Variants in SMPDL3B observed in about 807,000 individuals in gnomAD.
The protein encoded by SMPDL3B is acid sphingomyelinase-like phosphodiesterase 3b.
SMPDL3B carries 31 observed loss-of-function variants against 37.9 expected under a neutral mutation model. The observed-to-expected ratio is 0.82, with a 90% CI of 0.61 to 1.10. The LOEUF is 1.10. Ranked by LOEUF, SMPDL3B falls within the 50% of genes least tolerant of loss-of-function variation. The pLI is 0.00. For synonymous variants in SMPDL3B, 235 were observed against 242.6 expected, an observed-to-expected ratio of 0.97 and a Z score of 0.29; for missense variants, 525 against 597.8, an observed-to-expected ratio of 0.88 and a Z score of 1.27.
In SMPDL3B at chr1:27,953,234, T is replaced by C. The variant is rs372400917; in HGVS notation, c.393T>C (p.Ala131=). Residue 131 remains alanine (A), a synonymous_variant, in exon 4 of 8, where the codon GCT becomes GCC. Coordinates refer to ENST00000373894, the MANE Select transcript of SMPDL3B (RefSeq NM_014474.4). ...TCCTAGATACTAAAGTCTATGCTGC[T>C]TTGGGAAATCATGATTTTCACCCCA... ...EVFPDTKVYA[A]LGNHDFHPKN... 8 of 1,613,532 alleles carry C rather than the reference T, an allele frequency of 5.0e-6. No homozygotes were observed. Among genetic ancestry groups the C allele is most frequent in the Admixed American group, 1.7e-5 (1 of 59,980 alleles).
In SMPDL3B at chr1:27,945,242, G is replaced by A. The variant is rs1197273524; in HGVS notation, c.72G>A (p.Trp24Ter). ...TTTTTTCCCCTGCAGGGAAGTTCTG[G>A]CACATCGCTGACCTGCACCTTGACC... ...GGARAEPGKF[W>*]HIADLHLDPD... is the part of the protein sequence containing the mutation. The change falls in exon 2 of 8, where the codon TGG (tryptophan) becomes TGA (stop). Residue 24 changes from tryptophan to a stop codon, truncating the protein, a stop_gained. Transcript: ENST00000373894. LOFTEE classifies it high-confidence loss of function. This position sits in a 1 kb window ranked among gnomAD's most constrained non-coding sequence, Gnocchi z 4.0. 6.2e-7 allele frequency: 1 copy of A among 1,614,096 alleles called. No homozygotes were observed. Among genetic ancestry groups the A allele is most frequent in the African/African-American group, 1.3e-5 (1 of 75,026 alleles).
intron 1 of SMPDL3B, among the ~76,000 whole-genome samples, chr1:27,944,586 C>A (rs188506342): frequency 6.6e-6 from 1 of 152,176 alleles, no homozygotes; most frequent in Non-Finnish European, 1.5e-5. Flanking sequence ...GAACTCCTGG[C>A]CTCAAAGAAT....
intron 1 of SMPDL3B, among the ~76,000 whole-genome samples, chr1:27,940,703 C>G (rs930110173): frequency 6.6e-6 from 1 of 152,124 alleles, no homozygotes; most frequent in African/African-American, 2.4e-5. Context: ...CTATAAAACT[C>G]AAGTTATAGA....
intron 1 of SMPDL3B, among the ~76,000 whole-genome samples, chr1:27,943,551 T>C (rs1190703989): frequency 6.6e-6 from 1 of 152,150 alleles, no homozygotes. Flanking sequence ...CCAGTGATGT[T>C]GACTTGTGGC....
Position 27,945,511 on chromosome 1 carries a change from GC to G in SMPDL3B, c.275+69del, listed in dbSNP as rs2090399727. ...CTGCTATGTGCTACATACCAGTCTG[GC>G]CCTTTGCCCACATTATCTCCCTTAA... On this transcript the variant is annotated intron_variant, in intron 2 of 7. Transcript: ENST00000373894. This position sits in a 1 kb window ranked among gnomAD's most constrained non-coding sequence, Gnocchi z 4.0. 3 of 1,279,868 alleles carry G rather than the reference GC, an allele frequency of 2.3e-6. No individual in the cohort carries two copies. The Admixed American group carries it at 5.5e-5, about 23-fold the overall frequency. The allele number at this position is 1,279,868 out of a possible 1,614,324, so 79.3% of individuals were successfully genotyped here.
intron 1 of SMPDL3B, among the ~76,000 whole-genome samples, chr1:27,935,774 A>G (rs549494932): frequency 3.3e-5 from 5 of 152,332 alleles, no homozygotes; most frequent in African/African-American, 1.2e-4. Context: ...ACGTCCAGAG[A>G]AGAGCTGTCA....
At chr1:27,950,581 G>A (rs549840222) in intron 3 of SMPDL3B, among the ~76,000 whole-genome samples, 45 of 152,096 alleles carry the variant, frequency 3.0e-4, no homozygotes, top group Non-Finnish European at 5.7e-4. Flanking sequence ...ACTCTCCTAA[G>A]TAGTTGGGAT....
chr1:27,943,849 T>C (rs932114200), intron 1 of SMPDL3B, among the ~76,000 whole-genome samples: 4 of 142,842 alleles, frequency 2.8e-5, no homozygotes, highest in African/African-American at 1.0e-4. Flanking sequence ...AAAATACAAA[T>C]ACAAAAAAAA....
At chr1:27,937,285 G>A (rs2090318064) in intron 1 of SMPDL3B, among the ~76,000 whole-genome samples, 1 of 152,190 alleles carries the variant, frequency 6.6e-6, no homozygotes, top group Non-Finnish European at 1.5e-5. Context: ...GCTTCTAACT[G>A]CAGAGAAGCA....
chr1:27,955,701 C>T lies in SMPDL3B; in HGVS notation c.708C>T (p.His236=), dbSNP rs752394375. 9.7e-5 allele frequency: 156 copies of T among 1,613,470 alleles called. No homozygotes were observed. Among genetic ancestry groups the T allele is most frequent in the Non-Finnish European group, 1.2e-4 (144 of 1,179,748 alleles). The change falls in exon 6 of 8, where the codon CAC becomes CAT. Residue 236 remains histidine, a synonymous_variant. Coordinates refer to ENST00000373894, the MANE Select transcript of SMPDL3B (RefSeq NM_014474.4). ...KAGDMVYIVG[H]VPPGFFEKTQ... is the part of the protein sequence containing the mutation. ...CCTTGTAGGTGTACATTGTCGGCCA[C>T]GTGCCCCCGGGGTTCTTTGAGAAGA...
chr1:27,938,617 C>G (rs1262637512), intron 1 of SMPDL3B, among the ~76,000 whole-genome samples: 4 of 152,248 alleles, frequency 2.6e-5, no homozygotes, highest in African/African-American at 9.6e-5. Flanking sequence ...GGCATACACA[C>G]AGATGGTCCC....
intron 1 of SMPDL3B, among the ~76,000 whole-genome samples, chr1:27,940,767 T>G (rs1451600066): frequency 2.0e-5 from 3 of 152,208 alleles, no homozygotes; most frequent in Non-Finnish European, 4.4e-5. Context: ...GAAAGCCTCT[T>G]AACTTTAACA....
intron 4 of SMPDL3B, among the ~76,000 whole-genome samples, chr1:27,953,786 C>T (rs1405699799): frequency 6.6e-6 from 1 of 152,236 alleles, no homozygotes; most frequent in Non-Finnish European, 1.5e-5. Flanking sequence ...GTGATACCCT[C>T]AGGAACACCC....
At chr1:27,940,990 C>T (rs1367685173) in intron 1 of SMPDL3B, among the ~76,000 whole-genome samples, 1 of 152,188 alleles carries the variant, frequency 6.6e-6, no homozygotes, top group Non-Finnish European at 1.5e-5. Flanking sequence ...GGCCAGATGT[C>T]AACATCCTCT....
chr1:27,943,545 T>G (rs2090377829), intron 1 of SMPDL3B, among the ~76,000 whole-genome samples: 2 of 152,068 alleles, frequency 1.3e-5, no homozygotes, highest in South Asian at 4.2e-4. Flanking sequence ...TTGGGGCCAG[T>G]GATGTTGACT....
At position 27,958,025 on chromosome 1, in the gene SMPDL3B, C is replaced by G. The variant is rs1403169707; in HGVS notation, c.1006-451C>G. ...ACTGATGAACCCTGCAGAGTCTAGCCGTGAACATGCACCTGGGTCCTAGGA... is the reference window on the plus strand; with the variant it reads ...ACTGATGAACCCTGCAGAGTCTAGCGGTGAACATGCACCTGGGTCCTAGGA... On this transcript the variant is annotated intron_variant, in intron 7 of 7. Coordinates refer to ENST00000373894, the MANE Select transcript of SMPDL3B (RefSeq NM_014474.4). This position sits in a 1 kb window ranked among gnomAD's most constrained non-coding sequence, Gnocchi z 5.6. Among the ~76,000 whole-genome samples, 1 of 152,148 alleles carries G rather than the reference C, an allele frequency of 6.6e-6. No individual in the cohort carries two copies. Among genetic ancestry groups the G allele is most frequent in the Non-Finnish European group, 1.5e-5 (1 of 68,012 alleles).
At chr1:27,947,878 G>GCC in intron 2 of SMPDL3B, among the ~76,000 whole-genome samples, 1 of 152,036 alleles carries the variant, frequency 6.6e-6, no homozygotes, top group South Asian at 2.1e-4. Context: ...ACCGCCCCCG[G>GCC]CCTAGGTGTG....
Position 27,958,058 on chromosome 1 carries a change from G to C in SMPDL3B, c.1006-418G>C, listed in dbSNP as rs148869313. The stretch of plus-strand genomic sequence containing the variant: ...TGCACCTGGGTCCTAGGAGTCTACA[G>C]TTCATAATCTCTCTCATGCTTAGTG... On this transcript the variant is annotated intron_variant, in intron 7 of 7. Coordinates refer to ENST00000373894, the MANE Select transcript of SMPDL3B (RefSeq NM_014474.4). This position sits in a 1 kb window ranked among gnomAD's most constrained non-coding sequence, Gnocchi z 5.6. Among the ~76,000 whole-genome samples the C allele has an allele frequency of 1.0e-3, 154 of 152,238 alleles. No homozygotes were observed. The highest frequency in any genetic ancestry group is 3.2e-3 in the African/African-American group (132 of 41,520).
At chr1:27,954,211 C>T (rs1424267937) in intron 4 of SMPDL3B, 143 bp from the exon 5 acceptor site, 1 of 831,534 alleles carries the variant, frequency 1.2e-6, no homozygotes, top group Non-Finnish European at 1.9e-6. Flanking sequence ...AGCCTCTGAT[C>T]TTCCAGATTG....
Sources: gnomAD v4.1 joint callset for allele counts (sites outside exome capture counted in the v4.1 genomes callset) on GRCh38, gnomAD v4.1.1 for gene constraint, Gnocchi (gnomAD v3.1) non-coding constraint, MANE v1.5 for transcripts, NCBI Gene and HGNC (gene_info 2026-07-23, HGNC 2026-07-21) for gene names.